CNIH3: variants seen among roughly 807,000 people sequenced by gnomAD.
CNIH3 encodes the protein cornichon family AMPA receptor auxiliary protein 3.
Under a neutral mutation model 24.1 loss-of-function variants are expected in CNIH3, and 14 were observed. That is an observed-to-expected ratio of 0.58 (90% confidence interval 0.38 to 0.91). The LOEUF (loss-of-function observed/expected upper bound fraction) is 0.91, where lower values mean the gene tolerates loss of function less well. CNIH3 is among the 40% of genes least tolerant of loss of function. The probability of loss-of-function intolerance (pLI) is 0.00; values close to 1 mark genes in which losing one functional copy is unlikely to be tolerated. For missense variants in CNIH3, 178 were observed against 196.8 expected, an observed-to-expected ratio of 0.90 and a Z score of 0.57; for synonymous variants, 68 against 73.8, an observed-to-expected ratio of 0.92 and a Z score of 0.40.
intron 3 of CNIH3, among the ~76,000 whole-genome samples, chr1:224,717,207 A>G (rs918199099): frequency 6.6e-6 from 1 of 152,184 alleles, no homozygotes; most frequent in Non-Finnish European, 1.5e-5. Flanking sequence ...TTATTCTCAC[A>G]GTTCTGGAGG....
At chr1:224,702,878 T>C (rs1246466170) in intron 3 of CNIH3, among the ~76,000 whole-genome samples, 1 of 150,848 alleles carries the variant, frequency 6.6e-6, no homozygotes, top group African/African-American at 2.4e-5. Context: ...CCTCGGGCCC[T>C]GTCCTTGCTG....
intron 4 of CNIH3, among the ~76,000 whole-genome samples, chr1:224,568,569 C>A (rs1680683817): frequency 6.6e-6 from 1 of 152,116 alleles, no homozygotes; most frequent in Non-Finnish European, 1.5e-5. Flanking sequence ...CCAGCCTGAG[C>A]AACATAGTGA....
In CNIH3 at chr1:224,616,802, C is replaced by T. The variant is rs1418916620; in HGVS notation, c.-373C>T. 3.7e-6 allele frequency: 4 copies of T among 1,069,804 alleles called. No homozygotes were observed. The highest frequency in any genetic ancestry group is 4.5e-6 in the Non-Finnish European group (4 of 884,312). The allele number at this position is 1,069,804 out of a possible 1,614,324, so 66.3% of individuals were successfully genotyped here. On this transcript the variant is annotated 5_prime_UTR_variant, in exon 1 of 6. Coordinates refer to ENST00000272133, the MANE Select transcript of CNIH3 (RefSeq NM_152495.2). ...CTTCCTGGGGCGAATGGGACCTCCT[C>T]CCTCGGTCCTCCGTGGAGTCGTCGC...
chr1:224,576,488 T>C (rs1282336339), intron 4 of CNIH3, among the ~76,000 whole-genome samples: 1 of 152,216 alleles, frequency 6.6e-6, no homozygotes, highest in Non-Finnish European at 1.5e-5. Flanking sequence ...TGCTCTTTCT[T>C]GACTTTTTTG....
chr1:224,488,545 C>G (rs1038656733), intron 1 of CNIH3, among the ~76,000 whole-genome samples: 2 of 152,012 alleles, frequency 1.3e-5, no homozygotes, highest in Non-Finnish European at 2.9e-5. Context: ...ATTATAGCCT[C>G]GAGCTCCTGG....
At chr1:224,506,293 A>ACT (rs1337877228) in intron 1 of CNIH3, among the ~76,000 whole-genome samples, 1 of 150,602 alleles carries the variant, frequency 6.6e-6, no homozygotes. Context: ...GCGCGCACAC[A>ACT]CACACACACA....
In CNIH3 at chr1:224,595,765, A is replaced by G. The variant is rs937539342; in HGVS notation, n.402+29501A>G. ...CCAGTGAACACACAAATGATAAGAA[A>G]GCAAAACAACCTTGTTGCTGATGTG... On this transcript the variant is annotated intron_variant and non_coding_transcript_variant, in intron 3 of 7. Transcript: ENST00000478120. Among the ~76,000 whole-genome samples the G allele has an allele frequency of 7.2e-5, 11 of 152,240 alleles. 1 individual carries two copies. Among genetic ancestry groups the G allele is most frequent in the Admixed American group, 7.2e-4 (11 of 15,284 alleles).
intron 1 of CNIH3, among the ~76,000 whole-genome samples, chr1:224,679,402 CA>C (rs1316037690): frequency 2.6e-5 from 4 of 152,090 alleles, no homozygotes; most frequent in African/African-American, 7.2e-5. Context: ...ACAGGTTGAA[CA>C]AAAATGGGTA....
chr1:224,544,290 G>A (rs1049549241), intron 2 of CNIH3, among the ~76,000 whole-genome samples: 1 of 152,102 alleles, frequency 6.6e-6, no homozygotes, highest in Non-Finnish European at 1.5e-5. Context: ...CCTTCCATAT[G>A]CACTTCATCT....
chr1:224,499,867 C>T (rs1284512534), intron 1 of CNIH3, among the ~76,000 whole-genome samples: 1 of 148,114 alleles, frequency 6.8e-6, no homozygotes, highest in Non-Finnish European at 1.5e-5. Flanking sequence ...AGTTCAAGAC[C>T]AGCCTGGGCA....
At chr1:224,646,395 T>C (rs1286522213) in intron 1 of CNIH3, among the ~76,000 whole-genome samples, 9 of 152,134 alleles carry the variant, frequency 5.9e-5, no homozygotes, top group Non-Finnish European at 5.9e-5. Context: ...GTTACAAGCA[T>C]GTTGTTTGTT....
chr1:224,455,060 CT>C (rs1675589823), intron 1 of CNIH3, among the ~76,000 whole-genome samples: 1 of 152,194 alleles, frequency 6.6e-6, no homozygotes, highest in African/African-American at 2.4e-5. Context: ...AACTTCATAG[CT>C]TAGCCTAGCC....
chr1:224,702,889 G>T (rs2125178222), intron 3 of CNIH3, among the ~76,000 whole-genome samples: 1 of 152,162 alleles, frequency 6.6e-6, no homozygotes, highest in East Asian at 1.9e-4. Context: ...GTCCTTGCTG[G>T]TCGGGGGAGA....
At chr1:224,735,840 A>T (rs1689568047) in intron 5 of CNIH3, among the ~76,000 whole-genome samples, 1 of 150,814 alleles carries the variant, frequency 6.6e-6, no homozygotes, top group African/African-American at 2.4e-5. Flanking sequence ...TAATTTTAAA[A>T]TTTTTTGTAG....
chr1:224,700,004 T>C (rs1311281245), intron 3 of CNIH3, among the ~76,000 whole-genome samples: 1 of 152,188 alleles, frequency 6.6e-6, no homozygotes, highest in East Asian at 1.9e-4. Context: ...CACCGCCTAC[T>C]GGACTGTAGG....
chr1:224,735,316 T>G (rs530060524), intron 5 of CNIH3, among the ~76,000 whole-genome samples: 49 of 152,348 alleles, frequency 3.2e-4, no homozygotes, highest in African/African-American at 1.2e-3. Context: ...ACCTCTCCGC[T>G]CAGAACATCC....
chr1:224,506,860 G>A (rs1042902572), intron 1 of CNIH3, among the ~76,000 whole-genome samples: 23 of 152,062 alleles, frequency 1.5e-4, no homozygotes, highest in Non-Finnish European at 2.6e-4. Flanking sequence ...CATAAAAGAA[G>A]GAAGCACCAA....
At chr1:224,649,270 G>A (rs1296515926) in intron 1 of CNIH3, among the ~76,000 whole-genome samples, 1 of 152,184 alleles carries the variant, frequency 6.6e-6, no homozygotes, top group East Asian at 1.9e-4. Context: ...GAAGAGATGT[G>A]ACATCAGAAG....
At chr1:224,551,471 C>T (rs1004724071) in intron 3 of CNIH3, among the ~76,000 whole-genome samples, 28 of 152,018 alleles carry the variant, frequency 1.8e-4, no homozygotes, top group African/African-American at 6.5e-4. Flanking sequence ...TCACAGTGGA[C>T]AAACATTGTA....
Sources: allele counts gnomAD v4.1 joint callset (sites outside exome capture counted in the v4.1 genomes callset), GRCh38; gene constraint gnomAD v4.1.1; transcripts MANE v1.5; gene names NCBI Gene and HGNC (gene_info 2026-07-23, HGNC 2026-07-21).